PXYLP1: variants seen among roughly 807,000 people sequenced by gnomAD.
PXYLP1 encodes the protein acid phosphatase-like 2.
Under a neutral mutation model 37.9 loss-of-function variants are expected in PXYLP1, and 17 were observed. The observed-to-expected ratio is 0.45, with a 90% CI of 0.31 to 0.67. The LOEUF (loss-of-function observed/expected upper bound fraction) is 0.67. Ranked by LOEUF, PXYLP1 falls within the 30% of genes least tolerant of loss-of-function variation. The pLI, the probability that PXYLP1 is intolerant of heterozygous loss-of-function variation, is 0.07. For synonymous variants in PXYLP1, 221 were observed against 232.2 expected (o/e 0.95, Z 0.44); for missense variants, 511 against 612.0 (o/e 0.84, Z 1.74).
intron 1 of PXYLP1, among the ~76,000 whole-genome samples, chr3:141,243,305 C>T (rs950123796): frequency 1.9e-4 from 29 of 152,186 alleles, no homozygotes; most frequent in African/African-American, 6.3e-4. Context: ...GGGTGATATG[C>T]AGGCTGTATC....
At chr3:141,282,342 A>G (rs1390330725) in intron 4 of PXYLP1, among the ~76,000 whole-genome samples, 4 of 152,172 alleles carry the variant, frequency 2.6e-5, no homozygotes, top group African/African-American at 9.7e-5. Flanking sequence ...GTCTTTGCTC[A>G]AATGTCACCT....
intron 4 of PXYLP1, among the ~76,000 whole-genome samples, chr3:141,286,880 G>A (rs1559896666): frequency 3.3e-5 from 5 of 152,210 alleles, no homozygotes; most frequent in Admixed American, 2.6e-4. Context: ...AAGGAGAAGG[G>A]GATGGAGAAG....
At chr3:141,259,500 C>T (rs1395363650) in intron 1 of PXYLP1, among the ~76,000 whole-genome samples, 1 of 151,408 alleles carries the variant, frequency 6.6e-6, no homozygotes, top group Non-Finnish European at 1.5e-5. Context: ...ATAGGCAGGA[C>T]GAGGCTTCCA....
At chr3:141,273,902 G>C in intron 2 of PXYLP1, 7 of 985,188 alleles carry the variant, frequency 7.1e-6, no homozygotes, top group Non-Finnish European at 7.2e-6. Context: ...GTGGCACAGT[G>C]GCCCCAGGAC....
At chr3:141,283,719 C>T (rs1942007781) in intron 4 of PXYLP1, among the ~76,000 whole-genome samples, 1 of 151,754 alleles carries the variant, frequency 6.6e-6, no homozygotes, top group Non-Finnish European at 1.5e-5. Flanking sequence ...TATGTATGCT[C>T]TTTTGGATTG....
At chr3:141,286,172 AG>A (rs1027257953) in intron 4 of PXYLP1, among the ~76,000 whole-genome samples, 6 of 152,312 alleles carry the variant, frequency 3.9e-5, no homozygotes, top group Non-Finnish European at 5.9e-5. Flanking sequence ...ATACATTCAT[AG>A]GCTACTTCAT....
At chr3:141,242,649 C>T (rs1940837604) in intron 1 of PXYLP1, among the ~76,000 whole-genome samples, 1 of 152,200 alleles carries the variant, frequency 6.6e-6, no homozygotes, top group Non-Finnish European at 1.5e-5. Flanking sequence ...CTGCACTTTG[C>T]TTCAAGCTGG....
At position 141,293,192 on chromosome 3, in the gene PXYLP1, G is replaced by T; in HGVS notation, c.1430G>T (p.Arg477Met). The change falls in exon 6 of 6, where the codon AGG (arginine) becomes ATG (methionine). Residue 477 changes from arginine (R) to methionine (M), a missense_variant. Transcript: ENST00000286353. ...ACAAATTATTATGATGCATGTCACA[G>T]GGAAGGATTCTAAAAGGTATGCAGT... ...SGTNYYDACHREGF is the reference protein window; with the variant it reads ...SGTNYYDACHMEGF The T allele has an allele frequency of 6.2e-7, 1 of 1,613,254 alleles. No individual in the cohort carries two copies. The highest frequency in any genetic ancestry group is 8.5e-7 in the Non-Finnish European group (1 of 1,179,658).
intron 4 of PXYLP1, among the ~76,000 whole-genome samples, chr3:141,280,476 T>A (rs1289375282): frequency 6.6e-6 from 1 of 152,260 alleles, no homozygotes; most frequent in African/African-American, 2.4e-5. Context: ...CTCATTTTCC[T>A]TTGCCTAGTT....
chr3:141,272,276 C>T (rs1941683155), intron 2 of PXYLP1, among the ~76,000 whole-genome samples: 1 of 152,162 alleles, frequency 6.6e-6, no homozygotes, highest in African/African-American at 2.4e-5. Flanking sequence ...TCAGGGATAA[C>T]TAAGGTGCCC....
intron 5 of PXYLP1, among the ~76,000 whole-genome samples, chr3:141,289,293 T>G (rs1273240799): frequency 2.1e-5 from 3 of 145,848 alleles, no homozygotes; most frequent in Non-Finnish European, 4.5e-5. Context: ...AGAATTAGAT[T>G]CTACAGTCTA....
chr3:141,293,374 A>G lies in PXYLP1; in HGVS notation c.*169A>G. 1.5e-6 allele frequency: 1 copy of G among 681,702 alleles called. No individual in the cohort carries two copies. The highest frequency in any genetic ancestry group is 2.7e-5 in the East Asian group (1 of 36,524). The allele number at this position is 681,702 out of a possible 1,614,324, so 42.2% of individuals were successfully genotyped here. The stretch of plus-strand genomic sequence containing the variant: ...GGTTGAACAGTAAGCACATTGCTGC[A>G]ATGTGGTACGTGAATTGCTTGGTAC... On this transcript the variant is annotated 3_prime_UTR_variant, in exon 6 of 6. Coordinates refer to ENST00000286353, the MANE Select transcript of PXYLP1 (RefSeq NM_001037172.3).
At chr3:141,248,023 G>GTTTTTTTTTTTTTTT (rs55888415) in intron 1 of PXYLP1, among the ~76,000 whole-genome samples, 6 of 122,898 alleles carry the variant, frequency 4.9e-5, no homozygotes, top group Admixed American at 8.9e-5. Context: ...TTTTTGTTTT[G>GTTTTTTTTTTTTTTT]TTTTTTTTTT....
chr3:141,249,148 GC>G (rs1387433918), intron 1 of PXYLP1, among the ~76,000 whole-genome samples: 2 of 151,914 alleles, frequency 1.3e-5, no homozygotes. Context: ...TAAAGTTCAT[GC>G]CCACTGGCAC....
chr3:141,285,899 C>T (rs1942065719), intron 4 of PXYLP1, among the ~76,000 whole-genome samples: 1 of 152,114 alleles, frequency 6.6e-6, no homozygotes, highest in Non-Finnish European at 1.5e-5. Flanking sequence ...ATTTATTAGA[C>T]TATATTACAT....
At chr3:141,287,012 G>A (rs1035473853) in intron 4 of PXYLP1, among the ~76,000 whole-genome samples, 2 of 152,186 alleles carry the variant, frequency 1.3e-5, no homozygotes, top group African/African-American at 2.4e-5. Context: ...GCGGCCTCCC[G>A]GAGAGCGAGC....
At chr3:141,248,650 TAC>T (rs1198426412) in intron 1 of PXYLP1, among the ~76,000 whole-genome samples, 2 of 77,862 alleles carry the variant, frequency 2.6e-5, no homozygotes, top group Non-Finnish European at 4.5e-5. Context: ...CGTGTATATA[TAC>T]ACACGTATAT....
chr3:141,271,330 A>G (rs1941658005), intron 2 of PXYLP1, among the ~76,000 whole-genome samples: 1 of 152,198 alleles, frequency 6.6e-6, no homozygotes, highest in Non-Finnish European at 1.5e-5. Context: ...GAACCATGGT[A>G]GCAGGGGCAA....
At chr3:141,258,925 G>T (rs1296405089) in intron 1 of PXYLP1, 2 of 152,210 alleles carry the variant, frequency 1.3e-5, no homozygotes, top group African/African-American at 4.8e-5. Context: ...TCATCAATCT[G>T]TTAGCAAATG....
Sources: gnomAD v4.1 joint callset for allele counts (sites outside exome capture counted in the v4.1 genomes callset) on GRCh38, gnomAD v4.1.1 for gene constraint, MANE v1.5 for transcripts, NCBI Gene and HGNC (gene_info 2026-07-23, HGNC 2026-07-21) for gene names.